The following RYR2 variants were observed in gnomAD, a reference collection of about 807,000 sequenced individuals.
RYR2 encodes cardiac muscle ryanodine receptor-calcium release channel.
In RYR2, 227 loss-of-function variants were observed where a neutral mutation model predicts 601.1. The ratio of observed to expected loss-of-function variants is 0.38; its 90% CI spans 0.34 to 0.42. The LOEUF is 0.42. Ranked by LOEUF, RYR2 falls within the 10% of genes least tolerant of loss-of-function variation. The pLI is 1.00. For synonymous variants in RYR2, 2,223 were observed against 2,175.1 expected (o/e 1.02, Z -0.61); for missense variants, 4,646 against 6,156.5 (o/e 0.75, Z 8.21).
chr1:237,228,754 C>T (rs554955632), intron 1 of RYR2, among the ~76,000 whole-genome samples: 1 of 152,080 alleles, frequency 6.6e-6, no homozygotes, highest in Non-Finnish European at 1.5e-5. Flanking sequence ...ATAATAAAAA[C>T]CTTCCTCATA....
chr1:237,322,444 T>C (rs1449991523), intron 2 of RYR2, among the ~76,000 whole-genome samples: 2 of 152,312 alleles, frequency 1.3e-5, no homozygotes, highest in African/African-American at 2.4e-5. Context: ...CAAGGAACTA[T>C]GGCTGTTGTG....
At chr1:237,753,891 A>G (rs1020261041) in intron 80 of RYR2, among the ~76,000 whole-genome samples, 12 of 151,144 alleles carry the variant, frequency 7.9e-5, no homozygotes, top group African/African-American at 2.7e-4. Flanking sequence ...TCATCTTAGT[A>G]TCTGAAAATT....
intron 70 of RYR2, among the ~76,000 whole-genome samples, chr1:237,710,785 T>C (rs1688774441): frequency 6.6e-6 from 1 of 152,044 alleles, no homozygotes; most frequent in African/African-American, 2.4e-5. Context: ...TGCCCTATCA[T>C]TGCACAGCTG....
chr1:237,063,083 C>A (rs909379479), intron 1 of RYR2, among the ~76,000 whole-genome samples: 3 of 151,918 alleles, frequency 2.0e-5, no homozygotes, highest in Non-Finnish European at 2.9e-5. Flanking sequence ...GAGGGTAAAG[C>A]CTTCATGAGT....
At chr1:237,188,623 T>C (rs1365231546) in intron 1 of RYR2, among the ~76,000 whole-genome samples, 3 of 152,140 alleles carry the variant, frequency 2.0e-5, no homozygotes, top group Admixed American at 1.3e-4. Flanking sequence ...TGGAGTGCAG[T>C]GGCACGATCT....
At chr1:237,139,430 A>C (rs941595464) in intron 1 of RYR2, among the ~76,000 whole-genome samples, 1 of 152,198 alleles carries the variant, frequency 6.6e-6, no homozygotes, top group African/African-American at 2.4e-5. Flanking sequence ...TGGGGGGATA[A>C]AAATGTCCTT....
At chr1:237,148,515 T>TAAA (rs372359390) in intron 1 of RYR2, among the ~76,000 whole-genome samples, 111 of 105,138 alleles carry the variant, frequency 1.1e-3, no homozygotes, top group African/African-American at 4.4e-3. Context: ...GAACTTCAAG[T>TAAA]AAAAAAAAAA....
intron 41 of RYR2, among the ~76,000 whole-genome samples, chr1:237,628,776 G>A (rs969450148): frequency 6.6e-6 from 1 of 151,650 alleles, no homozygotes; most frequent in Non-Finnish European, 1.5e-5. Context: ...AGGTCTGTGT[G>A]GTGTTTAATA....
At chr1:237,047,986 G>A (rs1660793100) in intron 1 of RYR2, among the ~76,000 whole-genome samples, 1 of 152,108 alleles carries the variant, frequency 6.6e-6, no homozygotes, top group Admixed American at 6.5e-5. Context: ...CTTTTTTGTA[G>A]GAGAAACCCA....
chr1:237,678,487 A>G (rs1247042692), intron 61 of RYR2, among the ~76,000 whole-genome samples: 2 of 152,226 alleles, frequency 1.3e-5, no homozygotes, highest in Non-Finnish European at 2.9e-5. Flanking sequence ...GAGTTAATTC[A>G]TAAATAGGCA....
chr1:237,064,649 T>C (rs1022751436), intron 1 of RYR2, among the ~76,000 whole-genome samples: 5 of 152,120 alleles, frequency 3.3e-5, no homozygotes, highest in African/African-American at 1.2e-4. Context: ...TTGAGGCTTA[T>C]TTGTCTCCAT....
chr1:237,337,550 G>T (rs961710006), intron 3 of RYR2, among the ~76,000 whole-genome samples: 4 of 152,084 alleles, frequency 2.6e-5, no homozygotes, highest in African/African-American at 9.7e-5. Context: ...ACCTTTCTGT[G>T]CCTCAATTTT....
chr1:237,292,002 C>A (rs997658284), intron 2 of RYR2, among the ~76,000 whole-genome samples: 1 of 152,136 alleles, frequency 6.6e-6, no homozygotes, highest in Non-Finnish European at 1.5e-5. Context: ...GTGGGGGAAG[C>A]CGTGCATGTG....
intron 5 of RYR2, 114 bp from the exon 6 acceptor site, chr1:237,369,420 T>G: frequency 5.7e-6 from 5 of 882,580 alleles, no homozygotes; most frequent in Non-Finnish European, 9.3e-6. Flanking sequence ...GAGCTCTTAA[T>G]ACATTCTTTC....
chr1:237,389,954 G>A (rs1229064857), intron 10 of RYR2, among the ~76,000 whole-genome samples: 1 of 152,142 alleles, frequency 6.6e-6, no homozygotes, highest in African/African-American at 2.4e-5. Context: ...CCTTATGAAG[G>A]CTGTAAAGAC....
chr1:237,323,249 A>G (rs1462578063), intron 2 of RYR2, among the ~76,000 whole-genome samples: 1 of 152,128 alleles, frequency 6.6e-6, no homozygotes, highest in Non-Finnish European at 1.5e-5. Context: ...GAGAGGCAGG[A>G]ACCTACATCA....
chr1:237,806,298 T>C lies in RYR2; in HGVS notation c.14298+15T>C, dbSNP rs775615419. 6.3e-7 allele frequency: 1 copy of C among 1,597,466 alleles called. No homozygotes were observed. Among genetic ancestry groups the C allele is most frequent in the South Asian group, 1.1e-5 (1 of 88,008 alleles). On this transcript the variant is annotated intron_variant, in intron 99 of 104. Coordinates refer to ENST00000366574, the MANE Select transcript of RYR2 (RefSeq NM_001035.3). ...ATGGCAAACAGGTAAACAGTTTATC[T>C]TTTTCCTCCCTTGCAGAAAATAAAA...
chr1:237,571,829 A>G (rs554582335), intron 29 of RYR2, among the ~76,000 whole-genome samples: 1 of 152,168 alleles, frequency 6.6e-6, no homozygotes, highest in African/African-American at 2.4e-5. Flanking sequence ...TTGGAGATAC[A>G]TGGTAAGTCT....
At chr1:237,447,815 C>G (rs1014477317) in intron 14 of RYR2, among the ~76,000 whole-genome samples, 1 of 150,998 alleles carries the variant, frequency 6.6e-6, no homozygotes, top group African/African-American at 2.4e-5. Context: ...TTCCTTCCTT[C>G]CATCCTTTCC....
Sources: allele counts gnomAD v4.1 joint callset (sites outside exome capture counted in the v4.1 genomes callset), GRCh38; gene constraint gnomAD v4.1.1; transcripts MANE v1.5; gene names NCBI Gene and HGNC (gene_info 2026-07-23, HGNC 2026-07-21).